Variants in MTBP observed in about 807,000 individuals in gnomAD.
The protein encoded by MTBP is MDM2 binding protein, also known as mdm2-binding protein.
In MTBP, 101 loss-of-function variants were observed where a neutral mutation model predicts 117.0. The ratio of observed to expected loss-of-function variants is 0.86; its 90% CI spans 0.73 to 1.02. The LOEUF (loss-of-function observed/expected upper bound fraction) is 1.02. MTBP is among the 50% of genes least tolerant of loss of function. The pLI, the probability that MTBP is intolerant of heterozygous loss-of-function variation, is 0.00. For missense variants in MTBP, 970 were observed against 1,030.9 expected, an observed-to-expected ratio of 0.94 and a Z score of 0.81; for synonymous variants, 350 against 351.5, an observed-to-expected ratio of 1.00 and a Z score of 0.05.
chr8:120,485,848 C>T (rs914534945), intron 11 of MTBP, among the ~76,000 whole-genome samples: 4 of 152,154 alleles, frequency 2.6e-5, no homozygotes, highest in Non-Finnish European at 5.9e-5. Context: ...TGTTTGACTT[C>T]GGTGTCACTC....
intron 16 of MTBP, 44 bp from the exon 17 acceptor site, chr8:120,509,890 C>A: frequency 1.5e-6 from 2 of 1,320,680 alleles, no homozygotes; most frequent in South Asian, 1.3e-5. Flanking sequence ...TTCTTTTTGT[C>A]AGTAAATAAA....
intron 11 of MTBP, among the ~76,000 whole-genome samples, chr8:120,475,694 G>A (rs1363064508): frequency 2.0e-5 from 3 of 151,758 alleles, no homozygotes; most frequent in South Asian, 2.1e-4. Flanking sequence ...GATGATACAG[G>A]AAAAATGCAA....
chr8:120,504,913 G>C (rs1418864134), intron 15 of MTBP, among the ~76,000 whole-genome samples: 1 of 151,706 alleles, frequency 6.6e-6, no homozygotes, highest in Non-Finnish European at 1.5e-5. Context: ...GTTTGCTCTT[G>C]TTCTTCTGCT....
chr8:120,446,568 C>T (rs916727467), intron 2 of MTBP, 55 bp downstream of exon 2: 1 of 1,093,938 alleles, frequency 9.1e-7, no homozygotes, highest in Non-Finnish European at 1.4e-6. Flanking sequence ...TGGAAATTAA[C>T]TTAATTAATT....
intron 10 of MTBP, among the ~76,000 whole-genome samples, chr8:120,464,397 A>G (rs566536345): frequency 6.6e-6 from 1 of 151,980 alleles, no homozygotes; most frequent in African/African-American, 2.4e-5. Context: ...CTAGTTATTT[A>G]TTCAACTGTT....
At chr8:120,454,051 A>G (rs1225994719) in intron 5 of MTBP, 146 bp downstream of exon 5, 1 of 470,876 alleles carries the variant, frequency 2.1e-6, no homozygotes, top group Non-Finnish European at 3.8e-6. Flanking sequence ...AAGTTGATAC[A>G]GAATGTATCC....
At position 120,470,870 on chromosome 8, in the gene MTBP, A is replaced by C. The variant is rs1209220704; in HGVS notation, c.1098A>C (p.Pro366=). The change falls in exon 11 of 22, where the codon CCA becomes CCC. Residue 366 remains proline, a synonymous_variant. Transcript: ENST00000305949. Reference sequence around the variant, plus strand: ...GTACCATTAGTAACATACTGATTCCACCTCCCAACCAACTCAGTTCAAGAA... The same window carrying C: ...GTACCATTAGTAACATACTGATTCCCCCTCCCAACCAACTCAGTTCAAGAA... ...LPCTISNILI[P]PPNQLSSRKW... 6.8e-6 allele frequency: 11 copies of C among 1,612,422 alleles called. No individual in the cohort carries two copies. The Admixed American group carries it at 1.3e-4, about 20-fold the overall frequency.
intron 9 of MTBP, among the ~76,000 whole-genome samples, chr8:120,462,377 G>GC (rs1021164539): frequency 6.6e-6 from 1 of 152,116 alleles, no homozygotes; most frequent in Non-Finnish European, 1.5e-5. Context: ...AAGTGAGAAG[G>GC]CCAGAGAGTG....
intron 6 of MTBP, 122 bp downstream of exon 6, chr8:120,455,701 G>A: frequency 1.1e-6 from 1 of 896,334 alleles, no homozygotes; most frequent in Non-Finnish European, 1.7e-6. Context: ...AAAATTCTAT[G>A]TTATACCATG....
chr8:120,467,341 G>A (rs558401010), intron 10 of MTBP, among the ~76,000 whole-genome samples: 17 of 152,318 alleles, frequency 1.1e-4, no homozygotes, highest in Non-Finnish European at 1.9e-4. Context: ...CAGGCCAGGT[G>A]CAGTGACTCA....
intron 10 of MTBP, among the ~76,000 whole-genome samples, chr8:120,467,995 G>A (rs938958418): frequency 6.6e-6 from 1 of 152,126 alleles, no homozygotes; most frequent in African/African-American, 2.4e-5. Flanking sequence ...ACTCAGTCTG[G>A]CATACTCACA....
At position 120,516,211 on chromosome 8, in the gene MTBP, T is replaced by C. The variant is rs1393085708; in HGVS notation, c.2246+20T>C. 6.4e-7 allele frequency: 1 copy of C among 1,571,202 alleles called. No homozygotes were observed. The highest frequency in any genetic ancestry group is 8.7e-7 in the Non-Finnish European group (1 of 1,148,434). Reference sequence around the variant, plus strand: ...AAAAAGGTGATATATTACATGCACATAAATAGTATATTGACAGAAAGTATT... The same window carrying C: ...AAAAAGGTGATATATTACATGCACACAAATAGTATATTGACAGAAAGTATT... On this transcript the variant is annotated intron_variant, in intron 18 of 21. Coordinates refer to ENST00000305949, the MANE Select transcript of MTBP (RefSeq NM_022045.5).
At chr8:120,501,949 C>G (rs765687374) in intron 14 of MTBP, among the ~76,000 whole-genome samples, 2 of 152,110 alleles carry the variant, frequency 1.3e-5, no homozygotes, top group African/African-American at 2.4e-5. Flanking sequence ...GAAAATAACA[C>G]TGCATGTTAG....
At chr8:120,520,787 AAAAAAAGAAAAAAG>A (rs61567342) in intron 20 of MTBP, among the ~76,000 whole-genome samples, 2 of 150,860 alleles carry the variant, frequency 1.3e-5, no homozygotes, top group African/African-American at 2.4e-5. Flanking sequence ...TTCTAGAATT[AAAAAAAGAAAAAAG>A]AAAAAAGAAA....
intron 15 of MTBP, 38 bp from the exon 16 acceptor site, chr8:120,506,650 GCTTCTCTCTGGATTGAAT>G: frequency 7.8e-7 from 1 of 1,278,226 alleles, no homozygotes; most frequent in East Asian, 2.7e-5. Context: ...TTTGACTCTG[GCTTCTCTCTGGATTGAAT>G]CCACTTTTAA....
At chr8:120,499,069 C>T (rs1261884481) in intron 14 of MTBP, among the ~76,000 whole-genome samples, 2 of 151,998 alleles carry the variant, frequency 1.3e-5, no homozygotes, top group Admixed American at 6.5e-5. Context: ...TTGCCCAGAC[C>T]TTCTTGATTG....
At chr8:120,465,407 T>C (rs1813665651) in intron 10 of MTBP, among the ~76,000 whole-genome samples, 1 of 152,166 alleles carries the variant, frequency 6.6e-6, no homozygotes, top group African/African-American at 2.4e-5. Flanking sequence ...CTGTTACCTA[T>C]TTCAGAGTTG....
chr8:120,501,155 CACTCCA>C (rs1814577178), intron 14 of MTBP, among the ~76,000 whole-genome samples: 1 of 132,422 alleles, frequency 7.6e-6, no homozygotes, highest in Admixed American at 8.7e-5. Flanking sequence ...TGCGCCACTG[CACTCCA>C]GCCTGGGTGA....
chr8:120,492,778 A>G (rs1400325519), intron 13 of MTBP, among the ~76,000 whole-genome samples: 2 of 152,200 alleles, frequency 1.3e-5, no homozygotes, highest in African/African-American at 4.8e-5. Flanking sequence ...TTTTAAAATT[A>G]GTTTATTTTC....
Sources: gnomAD v4.1 joint callset for allele counts (sites outside exome capture counted in the v4.1 genomes callset) on GRCh38, gnomAD v4.1.1 for gene constraint, MANE v1.5 for transcripts, NCBI Gene and HGNC (gene_info 2026-07-23, HGNC 2026-07-21) for gene names.